FHIP2A: variants seen among roughly 807,000 people sequenced by gnomAD.
The protein encoded by FHIP2A is family with sequence similarity 160 member B1.
In FHIP2A, 46 loss-of-function variants were observed where a neutral mutation model predicts 93.5. That is an observed-to-expected ratio of 0.49 (90% confidence interval 0.39 to 0.63). FHIP2A has a LOEUF of 0.63. FHIP2A is among the 20% of genes least tolerant of loss of function. The pLI, the probability that FHIP2A is intolerant of heterozygous loss-of-function variation, is 0.00. For synonymous variants in FHIP2A, 332 were observed against 326.5 expected, an observed-to-expected ratio of 1.02 and a Z score of -0.18; for missense variants, 769 against 909.7, an observed-to-expected ratio of 0.85 and a Z score of 1.99.
intron 5 of FHIP2A, among the ~76,000 whole-genome samples, chr10:114,840,147 G>C (rs920633325): frequency 2.6e-5 from 4 of 151,900 alleles, no homozygotes; most frequent in African/African-American, 9.7e-5. Flanking sequence ...CTAGCACTTT[G>C]GGAGGCTGAG....
Position 114,830,160 on chromosome 10 carries a change from G to C in FHIP2A, c.46-692G>C, listed in dbSNP as rs372655478. ...TTACATAGCAGCTTTTTACTGTTTT[G>C]CATTTCAAAGTCCTAGGTACAAAGA... On this transcript the variant is annotated intron_variant, in intron 1 of 16. Transcript: ENST00000369248. Among the ~76,000 whole-genome samples, 35 of 151,684 alleles carry C rather than the reference G, an allele frequency of 2.3e-4. 2 individuals are homozygous for C. The South Asian group carries it at 7.1e-3, about 31-fold the overall frequency.
intron 2 of FHIP2A, among the ~76,000 whole-genome samples, chr10:114,832,691 C>T (rs1361485738): frequency 6.2e-4 from 93 of 150,864 alleles, no homozygotes; most frequent in Non-Finnish European, 1.6e-4. Context: ...TGAATGTTAG[C>T]TTATGGAATA....
At chr10:114,853,385 C>A (rs1464771419) in intron 13 of FHIP2A, among the ~76,000 whole-genome samples, 1 of 151,842 alleles carries the variant, frequency 6.6e-6, no homozygotes, top group Non-Finnish European at 1.5e-5. Flanking sequence ...TATAACTAAT[C>A]TGCATATGCA....
In FHIP2A at chr10:114,875,564, C is replaced by T. The variant is rs1489114252; in HGVS notation, c.2192+14230C>T. Reference sequence around the variant, plus strand: ...TACAAAAGATAGCTGGGCATGATGGCGGGTGCCTGTATTCCCAGCTACTCA... The same window carrying T: ...TACAAAAGATAGCTGGGCATGATGGTGGGTGCCTGTATTCCCAGCTACTCA... On this transcript the variant is annotated intron_variant, in intron 16 of 16. Transcript: ENST00000369250. Among the ~76,000 whole-genome samples the T allele has an allele frequency of 2.6e-5, 4 of 151,948 alleles. No homozygotes were observed. In the East Asian group the frequency reaches 7.7e-4, roughly 29 times the overall value.
chr10:114,864,992 ATT>A (rs142952175), downstream of FHIP2A, among the ~76,000 whole-genome samples: 47,798 of 148,222 alleles, frequency 0.32, 8,098 homozygotes, highest in Non-Finnish European at 0.39. Context: ...CTCAAAAACA[ATT>A]TTTTTTTTTT....
chr10:114,829,186 A>G (rs994776884), intron 1 of FHIP2A, among the ~76,000 whole-genome samples: 4 of 152,250 alleles, frequency 2.6e-5, no homozygotes, highest in African/African-American at 9.6e-5. Flanking sequence ...AAGAGCTACT[A>G]GTTGGCTATT....
chr10:114,893,903 A>G (rs2083987768), intron 16 of FHIP2A, among the ~76,000 whole-genome samples: 2 of 152,300 alleles, frequency 1.3e-5, no homozygotes, highest in Middle Eastern at 3.4e-3. Flanking sequence ...GTACAGTCCT[A>G]ATGAGAGAGA....
intron 6 of FHIP2A, 55 bp from the exon 7 acceptor site, chr10:114,843,686 A>G: frequency 7.8e-7 from 1 of 1,273,972 alleles, no homozygotes; most frequent in East Asian, 2.6e-5. Flanking sequence ...ATGTTTTCAA[A>G]CAACCTGATG....
intron 13 of FHIP2A, among the ~76,000 whole-genome samples, chr10:114,849,590 C>T (rs2083722524): frequency 6.6e-6 from 1 of 152,156 alleles, no homozygotes; most frequent in South Asian, 2.1e-4. Flanking sequence ...AAAAATTCCT[C>T]CTGCAAAGAA....
rs1015420532 is a variant in FHIP2A at position 114,862,269 on chromosome 10, A to G, written c.*729A>G. ...TTTATTTAAACTGTGTCGTTTTCGC[A>G]GCAGTGTTCAATTTGCTCACCATTG... On this transcript the variant is annotated 3_prime_UTR_variant, in exon 17 of 17. Transcript: ENST00000369248. 3.0e-6 allele frequency: 3 copies of G among 986,850 alleles called. No homozygotes were observed. In the African/African-American group the frequency reaches 5.2e-5, roughly 17 times the overall value. The allele number at this position is 986,850 out of a possible 1,614,324, so 61.1% of individuals were successfully genotyped here. A position where few individuals can be genotyped will look rare whatever the true frequency, so the allele number is the denominator to read the frequency against.
intron 16 of FHIP2A, among the ~76,000 whole-genome samples, chr10:114,888,129 G>A (rs2083952208): frequency 6.6e-6 from 1 of 152,198 alleles, no homozygotes; most frequent in Non-Finnish European, 1.5e-5. Context: ...TCCCACGAGG[G>A]TGTCAGTAAC....
intron 1 of FHIP2A, among the ~76,000 whole-genome samples, chr10:114,824,957 T>C (rs1429458593): frequency 6.6e-6 from 1 of 152,226 alleles, no homozygotes; most frequent in African/African-American, 2.4e-5. Context: ...CATTTTGGTA[T>C]GATTACTTTC....
chr10:114,880,203 G>A (rs2083910029), intron 16 of FHIP2A, among the ~76,000 whole-genome samples: 1 of 152,162 alleles, frequency 6.6e-6, no homozygotes, highest in African/African-American at 2.4e-5. Flanking sequence ...TAAGGCTGGG[G>A]GTTGGAGGCG....
chr10:114,827,924 A>C (rs947360223), intron 1 of FHIP2A, among the ~76,000 whole-genome samples: 2 of 152,128 alleles, frequency 1.3e-5, no homozygotes, highest in Non-Finnish European at 2.9e-5. Flanking sequence ...TGGGGTTGAG[A>C]TAGTCATTGC....
At chr10:114,837,236 C>T (rs1204438324) in intron 5 of FHIP2A, among the ~76,000 whole-genome samples, 1 of 152,140 alleles carries the variant, frequency 6.6e-6, no homozygotes, top group Non-Finnish European at 1.5e-5. Flanking sequence ...TTTTTCTGGC[C>T]AGGCGCGATG....
At chr10:114,872,711 C>A (rs1170602194) in intron 16 of FHIP2A, among the ~76,000 whole-genome samples, 2 of 152,204 alleles carry the variant, frequency 1.3e-5, no homozygotes. Context: ...GCACTTGATT[C>A]CATAGGCATT....
intron 2 of FHIP2A, 26 bp from the exon 3 acceptor site, chr10:114,833,206 AT>A: frequency 6.4e-7 from 1 of 1,569,366 alleles, no homozygotes. Flanking sequence ...ATGTTTAAAT[AT>A]TTGATGAATG....
At chr10:114,858,563 T>C (rs1056065042) in intron 14 of FHIP2A, among the ~76,000 whole-genome samples, 3 of 151,916 alleles carry the variant, frequency 2.0e-5, no homozygotes, top group African/African-American at 7.2e-5. Context: ...GGACTTAAGT[T>C]GTATTTTAAA....
At chr10:114,879,897 G>T (rs1371150670) in intron 16 of FHIP2A, among the ~76,000 whole-genome samples, 1 of 152,190 alleles carries the variant, frequency 6.6e-6, no homozygotes, top group Non-Finnish European at 1.5e-5. Context: ...AGGCTCAAGG[G>T]ATTTTCCCAC....
Sources: gnomAD v4.1 joint callset for allele counts (sites outside exome capture counted in the v4.1 genomes callset) on GRCh38, gnomAD v4.1.1 for gene constraint, MANE v1.5 for transcripts, NCBI Gene and HGNC (gene_info 2026-07-23, HGNC 2026-07-21) for gene names.